LRFN2: variants seen among roughly 807,000 people sequenced by gnomAD.
LRFN2 encodes the protein leucine rich repeat and fibronectin type III domain containing 2, also known as leucine-rich repeat and fibronectin type-III domain-containing protein 2.
Under a neutral mutation model 37.3 loss-of-function variants are expected in LRFN2, and 18 were observed. The ratio of observed to expected loss-of-function variants is 0.48; its 90% CI spans 0.33 to 0.72. The LOEUF (loss-of-function observed/expected upper bound fraction) is 0.72, where lower values mean the gene tolerates loss of function less well. Ranked by LOEUF, LRFN2 falls within the 30% of genes least tolerant of loss-of-function variation. The pLI is 0.02. For missense variants in LRFN2, 1,006 were observed against 1,060.7 expected (o/e 0.95, Z 0.72); for synonymous variants, 556 against 466.6 (o/e 1.19, Z -2.47).
intron 1 of LRFN2, among the ~76,000 whole-genome samples, chr6:40,438,998 G>C (rs1763762780): frequency 6.6e-6 from 1 of 152,154 alleles, no homozygotes; most frequent in Admixed American, 6.5e-5. Flanking sequence ...TGGCAGAAAA[G>C]GAAAGTTCTT....
chr6:40,451,681 G>A (rs1288380754), intron 1 of LRFN2, among the ~76,000 whole-genome samples: 1 of 152,228 alleles, frequency 6.6e-6, no homozygotes, highest in African/African-American at 2.4e-5. Flanking sequence ...ACGAGAAGGA[G>A]CTGTAGTGCC....
At chr6:40,502,226 C>A (rs1023524650) in intron 1 of LRFN2, 1 of 152,138 alleles carries the variant, frequency 6.6e-6, no homozygotes, top group African/African-American at 2.4e-5. Flanking sequence ...AGTGAGTTGC[C>A]CTGGACTAAC....
chr6:40,440,079 C>T (rs1436079837), intron 1 of LRFN2, among the ~76,000 whole-genome samples: 1 of 151,982 alleles, frequency 6.6e-6, no homozygotes, highest in African/African-American at 2.4e-5. Flanking sequence ...AATCTCCAAA[C>T]TTCTTCATAA....
chr6:40,495,962 T>C (rs1162797889), intron 1 of LRFN2, among the ~76,000 whole-genome samples: 1 of 152,132 alleles, frequency 6.6e-6, no homozygotes, highest in Non-Finnish European at 1.5e-5. Context: ...TTGGGCACCT[T>C]GAACCCAAAC....
At position 40,432,886 on chromosome 6, in the gene LRFN2, C is replaced by T. The variant is rs139791683; in HGVS notation, c.228G>A (p.Thr76=). The T allele has an allele frequency of 2.5e-5, 40 of 1,614,220 alleles. No individual in the cohort carries two copies. Among genetic ancestry groups the T allele is most frequent in the Non-Finnish European group, 3.3e-5 (39 of 1,180,040 alleles). ...HISRQDFANM[T]GLVDLTLSRN... The stretch of plus-strand genomic sequence containing the variant: ...TGGACAGGGTCAGGTCCACCAGCCC[C>T]GTCATGTTGGCAAAGTCCTGGCGGC... The change falls in exon 2 of 3, where the codon ACG becomes ACA. Residue 76 remains threonine, a synonymous_variant. Coordinates refer to ENST00000338305, the MANE Select transcript of LRFN2 (RefSeq NM_020737.3).
intron 1 of LRFN2, among the ~76,000 whole-genome samples, chr6:40,586,540 G>T (rs1016035922): frequency 1.4e-4 from 21 of 151,880 alleles, no homozygotes; most frequent in Admixed American, 1.1e-3. Context: ...CCCCCACCTA[G>T]CCCCCAGCAA....
chr6:40,472,477 T>C (rs187715140), intron 1 of LRFN2, among the ~76,000 whole-genome samples: 2 of 152,366 alleles, frequency 1.3e-5, no homozygotes, highest in Non-Finnish European at 1.5e-5. Flanking sequence ...GCAGAGAAGC[T>C]GCTTTGGGCA....
At position 40,547,941 on chromosome 6, in the gene LRFN2, T is replaced by C. The variant is rs532221053; in HGVS notation, c.-19+39000A>G. Among the ~76,000 whole-genome samples, 32 of 152,296 alleles carry C rather than the reference T, an allele frequency of 2.1e-4. No individual in the cohort carries two copies. In the South Asian group the frequency reaches 6.4e-3, roughly 31 times the overall value. On this transcript the variant is annotated intron_variant, in intron 1 of 2. Transcript: ENST00000338305. ...CACCTTTGTAAATAGTTTCTTTTAA[T>C]ATAACTCATTTGAATGTGTCTTCTG...
intron 1 of LRFN2, among the ~76,000 whole-genome samples, chr6:40,531,755 G>T (rs1766346874): frequency 6.6e-6 from 1 of 151,908 alleles, no homozygotes; most frequent in Non-Finnish European, 1.5e-5. Flanking sequence ...CACTACCACT[G>T]CCCCCTCCTT....
intron 1 of LRFN2, among the ~76,000 whole-genome samples, chr6:40,500,055 C>T (rs1412463944): frequency 6.6e-6 from 1 of 152,246 alleles, no homozygotes; most frequent in Non-Finnish European, 1.5e-5. Context: ...AGCTCCCTGC[C>T]TGTGGGATGG....
intron 1 of LRFN2, among the ~76,000 whole-genome samples, chr6:40,459,598 A>G (rs1191535655): frequency 2.0e-5 from 3 of 152,100 alleles, no homozygotes; most frequent in African/African-American, 7.2e-5. Context: ...TCAGTCTTTC[A>G]GGGCCCAGAA....
At chr6:40,449,325 G>A (rs1229336960) in intron 1 of LRFN2, among the ~76,000 whole-genome samples, 2 of 152,110 alleles carry the variant, frequency 1.3e-5, no homozygotes, top group East Asian at 1.9e-4. Flanking sequence ...ATTTTAAAAA[G>A]AGAAAAGAAG....
intron 1 of LRFN2, among the ~76,000 whole-genome samples, chr6:40,581,433 T>A (rs934858928): frequency 2.6e-5 from 4 of 152,192 alleles, no homozygotes; most frequent in Non-Finnish European, 4.4e-5. Flanking sequence ...GAGCTCATTC[T>A]AGGTTCCGCT....
chr6:40,467,626 C>G (rs1001690683), intron 1 of LRFN2, among the ~76,000 whole-genome samples: 1 of 152,144 alleles, frequency 6.6e-6, no homozygotes, highest in Non-Finnish European at 1.5e-5. Context: ...TTCCAGAGAG[C>G]CTGGGCATTG....
intron 1 of LRFN2, among the ~76,000 whole-genome samples, chr6:40,474,062 G>A (rs1011632961): frequency 2.6e-5 from 4 of 152,084 alleles, no homozygotes; most frequent in African/African-American, 9.7e-5. Flanking sequence ...TTTAGATGTG[G>A]GGCTTTCAGG....
At chr6:40,456,617 G>T (rs189301468) in intron 1 of LRFN2, among the ~76,000 whole-genome samples, 1 of 152,308 alleles carries the variant, frequency 6.6e-6, no homozygotes, top group Admixed American at 6.5e-5. Flanking sequence ...TGGCATATTG[G>T]TTGGCTTGTT....
At chr6:40,547,610 G>A (rs888010483) in intron 1 of LRFN2, among the ~76,000 whole-genome samples, 2 of 152,266 alleles carry the variant, frequency 1.3e-5, no homozygotes, top group East Asian at 1.9e-4. Context: ...CCACCAGTGG[G>A]CATCATGCCC....
chr6:40,450,945 A>G (rs1043206881), intron 1 of LRFN2, among the ~76,000 whole-genome samples: 3 of 152,218 alleles, frequency 2.0e-5, no homozygotes, highest in African/African-American at 7.2e-5. Flanking sequence ...AAGGAGGGAC[A>G]ATATTTAGAC....
intron 1 of LRFN2, among the ~76,000 whole-genome samples, chr6:40,562,542 C>A (rs1338019358): frequency 6.6e-6 from 1 of 152,120 alleles, no homozygotes; most frequent in Non-Finnish European, 1.5e-5. Flanking sequence ...CACCCAAAAA[C>A]TGGGCCATTT....
Sources: gnomAD v4.1 joint callset for allele counts (sites outside exome capture counted in the v4.1 genomes callset) on GRCh38, gnomAD v4.1.1 for gene constraint, MANE v1.5 for transcripts, NCBI Gene and HGNC (gene_info 2026-07-23, HGNC 2026-07-21) for gene names.